MAFK: variants seen among roughly 807,000 people sequenced by gnomAD.
The protein encoded by MAFK is transcription factor MafK.
Under a neutral mutation model 9.2 loss-of-function variants are expected in MAFK, and 1 was observed. The observed-to-expected ratio is 0.11, with a 90% confidence interval of 0.04 to 0.52. The LOEUF (loss-of-function observed/expected upper bound fraction) is 0.52, where lower values mean the gene tolerates loss of function less well. Ranked by LOEUF, MAFK falls within the 20% of genes least tolerant of loss-of-function variation. MAFK has a pLI of 0.94. For synonymous variants in MAFK, 110 were observed against 107.4 expected (o/e 1.02, Z -0.15); for missense variants, 207 against 236.0 (o/e 0.88, Z 0.81).
intron 2 of MAFK, 87 bp from the exon 3 acceptor site, chr7:1,539,854 A>T: frequency 8.5e-7 from 1 of 1,173,176 alleles, no homozygotes; most frequent in Non-Finnish European, 1.2e-6. Context: ...GTGCAGGGGC[A>T]CCGCTGGGTT....
At chr7:1,537,576 G>T in intron 1 of MAFK, 1 of 985,544 alleles carries the variant, frequency 1.0e-6, no homozygotes, top group Non-Finnish European at 1.2e-6. Flanking sequence ...GGAGCCTGGA[G>T]CCCACCTGGC....
chr7:1,531,191 C>T (rs1183130465), intron 1 of MAFK, among the ~76,000 whole-genome samples: 2 of 149,624 alleles, frequency 1.3e-5, no homozygotes, highest in Non-Finnish European at 3.0e-5. Context: ...GCGCGGACCC[C>T]AGACCTGGGA....
At chr7:1,537,341 G>A (rs1417260098) in intron 1 of MAFK, 1 of 980,056 alleles carries the variant, frequency 1.0e-6, no homozygotes, top group Non-Finnish European at 1.2e-6. Flanking sequence ...GAATGCGCGC[G>A]GCTCTGTAAA....
intron 1 of MAFK, chr7:1,537,346 T>C: frequency 2.0e-6 from 2 of 983,138 alleles, no homozygotes; most frequent in Non-Finnish European, 2.4e-6. Flanking sequence ...CGCGCGGCTC[T>C]GTAAACATCT....
intron 1 of MAFK, among the ~76,000 whole-genome samples, chr7:1,536,119 G>A (rs1330751889): frequency 3.3e-5 from 5 of 152,200 alleles, no homozygotes; most frequent in African/African-American, 9.6e-5. Context: ...TTTGCTGCCC[G>A]GCGCTGCTCC....
At chr7:1,530,984 ACGGC>A (rs1783890716) in intron 1 of MAFK, 86 bp downstream of exon 1, 1 of 144,392 alleles carries the variant, frequency 6.9e-6, no homozygotes, top group African/African-American at 2.5e-5. Flanking sequence ...CCGCTGAGTC[ACGGC>A]CGCCTGGGGG....
chr7:1,536,369 A>T (rs1784030091), intron 1 of MAFK, among the ~76,000 whole-genome samples: 1 of 152,120 alleles, frequency 6.6e-6, no homozygotes, highest in Admixed American at 6.5e-5. Context: ...GGGCTGCTGG[A>T]GGGGAGCTTG....
intron 1 of MAFK, among the ~76,000 whole-genome samples, chr7:1,533,084 G>C (rs549488308): frequency 4.4e-4 from 67 of 152,350 alleles, no homozygotes; most frequent in African/African-American, 1.6e-3. Context: ...GAGTTTTAGA[G>C]CAGGTACAAG....
At position 1,539,979 on chromosome 7, in the gene MAFK, C is replaced by A; in HGVS notation, c.75C>A (p.Ser25Arg). Residue 25 changes from serine (S) to arginine (R), a missense_variant, in exon 3 of 3, where the codon AGC becomes AGA. Coordinates refer to ENST00000343242, the MANE Select transcript of MAFK (RefSeq NM_002360.4). ...CGGGCGAGAACGCCCCGGTGCTCAG[C>A]GATGATGAGCTGGTGTCCATGTCGG... ...KEAGENAPVLSDDELVSMSVR... is the reference protein window; with the variant it reads ...KEAGENAPVLRDDELVSMSVR... The A allele has an allele frequency of 6.4e-7, 1 of 1,551,578 alleles. No homozygotes were observed. Among genetic ancestry groups the A allele is most frequent in the Non-Finnish European group, 8.7e-7 (1 of 1,146,664 alleles).
chr7:1,536,294 G>A (rs1015522783), intron 1 of MAFK, among the ~76,000 whole-genome samples: 3 of 152,182 alleles, frequency 2.0e-5, no homozygotes, highest in South Asian at 2.1e-4. Flanking sequence ...GTGCTTGTGC[G>A]TGGCGATGCT....
chr7:1,540,077 C>T lies in MAFK; in HGVS notation c.173C>T (p.Thr58Ile). The T allele has an allele frequency of 1.3e-6, 2 of 1,564,694 alleles. No individual in the cohort carries two copies. The highest frequency in any genetic ancestry group is 1.7e-6 in the Non-Finnish European group (2 of 1,154,738). The change falls in exon 3 of 3, where the codon ACA becomes ATA. Residue 58 changes from threonine to isoleucine, a missense_variant. Transcript: ENST00000343242. ...ACCCGCCTGAAGCAGCGTCGGCGCA[C>T]ACTCAAGAACCGCGGCTACGCGGCC... ...EVTRLKQRRR[T>I]LKNRGYAASC...
In MAFK at chr7:1,534,932, C is replaced by T. The variant is rs1396041974; in HGVS notation, c.-45+4034C>T. Among the ~76,000 whole-genome samples, 2 of 151,804 alleles carry T rather than the reference C, an allele frequency of 1.3e-5. No homozygotes were observed. The highest frequency in any genetic ancestry group is 2.9e-5 in the Non-Finnish European group (2 of 67,940). The stretch of plus-strand genomic sequence containing the variant: ...TTTTTTTTTTCCTAAAAGATAAGGT[C>T]TTGCCCTGTCACTCAGGCTGCTGGA... On this transcript the variant is annotated intron_variant, in intron 1 of 2. Coordinates refer to ENST00000343242, the MANE Select transcript of MAFK (RefSeq NM_002360.4). This position sits in a 1 kb window ranked among gnomAD's most constrained non-coding sequence, Gnocchi z 4.3.
Position 1,537,110 on chromosome 7 carries a change from G to A in MAFK, c.-44-2039G>A, listed in dbSNP as rs563054906. ...GCGCCCCCGGCTACCGTGTGCCTCC[G>A]CAGTGTCACAGGGCATCGCGGAGGC... On this transcript the variant is annotated intron_variant, in intron 1 of 2. Coordinates refer to ENST00000343242, the MANE Select transcript of MAFK (RefSeq NM_002360.4). Among the ~76,000 whole-genome samples, 298 of 152,332 alleles carry A rather than the reference G, an allele frequency of 2.0e-3. 1 individual carries two copies. Among genetic ancestry groups the A allele is most frequent in the Non-Finnish European group, 4.0e-3 (272 of 68,022 alleles).
chr7:1,534,826 T>C lies in MAFK; in HGVS notation c.-45+3928T>C. ...GAGCCCCAAAGCTGAAATCCCCGTTTCTCTATGGGCATCCACAGCCGGGAC... is the reference window on the plus strand; with the variant it reads ...GAGCCCCAAAGCTGAAATCCCCGTTCCTCTATGGGCATCCACAGCCGGGAC... On this transcript the variant is annotated intron_variant, in intron 1 of 2. Coordinates refer to ENST00000343242, the MANE Select transcript of MAFK (RefSeq NM_002360.4). This position sits in a 1 kb window ranked among gnomAD's most constrained non-coding sequence, Gnocchi z 4.3. The C allele has an allele frequency of 2.8e-6, 1 of 352,518 alleles. No individual in the cohort carries two copies. Among genetic ancestry groups the C allele is most frequent in the Non-Finnish European group, 5.8e-6 (1 of 173,574 alleles). 21.8% of individuals were successfully genotyped at this position (352,518 alleles called of 1,614,324 possible). A position where few individuals can be genotyped will look rare whatever the true frequency, so the allele number is the denominator to read the frequency against.
rs887065646 is a variant in MAFK at position 1,542,250 on chromosome 7, A to G, written c.*1875A>G. ...AGAAAATATATAGAGATATAAAATT[A>G]TATTCACAGTTTATCTACAGATTTT... On this transcript the variant is annotated 3_prime_UTR_variant, in exon 3 of 3. Coordinates refer to ENST00000343242, the MANE Select transcript of MAFK (RefSeq NM_002360.4). 4.6e-5 allele frequency: 7 copies of G among 152,604 alleles called. No homozygotes were observed. The highest frequency in any genetic ancestry group is 2.1e-4 in the South Asian group (1 of 4,838). The allele number at this position is 152,604 out of a possible 1,614,324, so 9.5% of individuals were successfully genotyped here.
At chr7:1,539,052 C>A in intron 1 of MAFK, 97 bp from the exon 2 acceptor site, 1 of 922,664 alleles carries the variant, frequency 1.1e-6, no homozygotes, top group South Asian at 1.4e-5. Flanking sequence ...ACTGTCCACC[C>A]CGGGCTGAGA....
chr7:1,534,300 ACACCTGTTTGACAGG>A lies in MAFK; in HGVS notation c.-45+3407_-45+3421del. The A allele has an allele frequency of 2.2e-6, 1 of 455,680 alleles. No individual in the cohort carries two copies. The highest frequency in any genetic ancestry group is 4.4e-6 in the Non-Finnish European group (1 of 226,568). The allele number at this position is 455,680 out of a possible 1,614,324, so 28.2% of individuals were successfully genotyped here. On this transcript the variant is annotated intron_variant, in intron 1 of 2. Transcript: ENST00000343242. This position sits in a 1 kb window ranked among gnomAD's most constrained non-coding sequence, Gnocchi z 4.3. ...CAGCTGGGCTGCAATTAGTCGGTTG[ACACCTGTTTGACAGG>A]CACCCACTGGGTACCAGTGCCACAG...
intron 1 of MAFK, chr7:1,538,352 C>A (rs1784088708): frequency 1.0e-6 from 1 of 984,590 alleles, no homozygotes; most frequent in African/African-American, 1.7e-5. Context: ...GGCCCCCGGA[C>A]CTGCCGCCCC....
intron 1 of MAFK, chr7:1,538,602 T>G (rs1359165038): frequency 4.0e-6 from 1 of 251,372 alleles, no homozygotes; most frequent in Non-Finnish European, 6.3e-6. Context: ...ACCGGAGCCT[T>G]TGCCAGTGTA....
Sources: allele counts gnomAD v4.1 joint callset (sites outside exome capture counted in the v4.1 genomes callset), GRCh38; gene constraint gnomAD v4.1.1; non-coding constraint Gnocchi (gnomAD v3.1); transcripts MANE v1.5; gene names NCBI Gene and HGNC (gene_info 2026-07-23, HGNC 2026-07-21).